Variants in ERP44 observed in about 807,000 individuals in gnomAD.
ERP44 encodes the protein endoplasmic reticulum protein 44.
A neutral mutation model predicts 53.4 loss-of-function variants in ERP44; 25 were observed. The ratio of observed to expected loss-of-function variants is 0.47; its 90% CI spans 0.34 to 0.65. The LOEUF is 0.65. Ranked by LOEUF, ERP44 falls within the 30% of genes least tolerant of loss-of-function variation. The pLI, the probability that ERP44 is intolerant of heterozygous loss-of-function variation, is 0.01. For missense variants in ERP44, 338 were observed against 493.2 expected (o/e 0.69, Z 2.98); for synonymous variants, 145 against 161.2 (o/e 0.90, Z 0.76).
chr9:100,032,883 G>A (rs146205152), intron 4 of ERP44, among the ~76,000 whole-genome samples: 138 of 152,288 alleles, frequency 9.1e-4, no homozygotes, highest in African/African-American at 2.6e-3. Context: ...TGAAATGTTC[G>A]TGACTATTAA....
intron 4 of ERP44, among the ~76,000 whole-genome samples, chr9:100,042,995 C>T (rs530873820): frequency 4.3e-4 from 66 of 151,966 alleles, no homozygotes; most frequent in Non-Finnish European, 7.5e-4. Flanking sequence ...CGCAGTGGCT[C>T]ATGCCTGTAA....
intron 1 of ERP44, among the ~76,000 whole-genome samples, chr9:100,066,831 A>G (rs1180472793): frequency 6.6e-6 from 1 of 152,198 alleles, no homozygotes; most frequent in Non-Finnish European, 1.5e-5. Context: ...TGGAGAAAAG[A>G]AGCTGAGGCT....
intron 1 of ERP44, among the ~76,000 whole-genome samples, chr9:100,078,558 C>A (rs1042343701): frequency 6.6e-6 from 1 of 151,668 alleles, no homozygotes; most frequent in African/African-American, 2.4e-5. Flanking sequence ...AGTTCAAGAC[C>A]AGCCTGGCCA....
intron 10 of ERP44, among the ~76,000 whole-genome samples, chr9:99,997,184 A>C (rs1830320506): frequency 6.6e-6 from 1 of 152,286 alleles, no homozygotes; most frequent in Middle Eastern, 3.4e-3. Context: ...TGCTGTATCA[A>C]ATGGTAGTTC....
At chr9:99,999,104 G>A (rs543620790) in intron 10 of ERP44, 2 of 653,606 alleles carry the variant, frequency 3.1e-6, no homozygotes, top group East Asian at 2.8e-5. Context: ...CAGCGGCGGG[G>A]CGTGGACACG....
chr9:100,098,449 G>T (rs1826682121), intron 1 of ERP44, among the ~76,000 whole-genome samples: 1 of 152,210 alleles, frequency 6.6e-6, no homozygotes, highest in Non-Finnish European at 1.5e-5. Context: ...CTAGGTCTAT[G>T]CTTGGTCTTT....
At position 99,989,025 on chromosome 9, in the gene ERP44, C is replaced by T. The variant is rs147895149; in HGVS notation, c.1017-3956G>A. ...CTGAGGCTTGACTAGGTAAACAAAG[C>T]GGCCAGGAATCTCGAACTGGGTGGA... On this transcript the variant is annotated intron_variant, in intron 10 of 11. Coordinates refer to ENST00000262455, the MANE Select transcript of ERP44 (RefSeq NM_015051.3). Among the ~76,000 whole-genome samples the T allele has an allele frequency of 9.7e-4, 147 of 152,314 alleles. 1 individual carries two copies. The Middle Eastern group carries it at 0.01, about 11-fold the overall frequency.
At chr9:100,006,680 C>T (rs747596483) in intron 9 of ERP44, 33 bp from the exon 10 acceptor site, 1 of 1,473,546 alleles carries the variant, frequency 6.8e-7, no homozygotes, top group African/African-American at 1.4e-5. Context: ...GAGGTAAATT[C>T]AAATTTTCTT....
intron 4 of ERP44, among the ~76,000 whole-genome samples, chr9:100,035,219 T>TA (rs1424411024): frequency 6.6e-6 from 1 of 152,028 alleles, no homozygotes; most frequent in East Asian, 1.9e-4. Context: ...CAAAAACTGG[T>TA]AAGTGGGACC....
At chr9:100,083,180 G>A (rs1826446171) in intron 1 of ERP44, among the ~76,000 whole-genome samples, 1 of 151,770 alleles carries the variant, frequency 6.6e-6, no homozygotes, top group East Asian at 1.9e-4. Flanking sequence ...TAAAAAAAAA[G>A]GTGAACAAAG....
At chr9:99,984,769 G>A (rs898999350) in intron 11 of ERP44, among the ~76,000 whole-genome samples, 198 bp downstream of exon 11, 4 of 152,082 alleles carry the variant, frequency 2.6e-5, no homozygotes, top group East Asian at 1.9e-4. Flanking sequence ...AAGAAACTAC[G>A]TTATAATATT....
chr9:99,998,386 C>A, intron 10 of ERP44: 1 of 620,406 alleles, frequency 1.6e-6, no homozygotes, highest in East Asian at 2.8e-5. Flanking sequence ...CGCGAGCTCC[C>A]GGATCATACA....
intron 4 of ERP44, among the ~76,000 whole-genome samples, chr9:100,047,520 A>G (rs1162652192): frequency 6.6e-6 from 1 of 152,206 alleles, no homozygotes; most frequent in African/African-American, 2.4e-5. Flanking sequence ...ATGCAAAATA[A>G]TAAAGTTGGG....
At chr9:100,002,273 C>A (rs1830385832) in intron 10 of ERP44, among the ~76,000 whole-genome samples, 1 of 152,076 alleles carries the variant, frequency 6.6e-6, no homozygotes, top group Non-Finnish European at 1.5e-5. Flanking sequence ...ATCCTTCATA[C>A]CAAAGCTATA....
chr9:100,006,413 A>T, intron 10 of ERP44, 93 bp downstream of exon 10: 1 of 961,718 alleles, frequency 1.0e-6, no homozygotes, highest in South Asian at 1.6e-5. Context: ...TTACTGTTCC[A>T]ACATAGGATT....
At chr9:100,068,366 G>A (rs1373221376) in intron 1 of ERP44, among the ~76,000 whole-genome samples, 17 of 133,138 alleles carry the variant, frequency 1.3e-4, no homozygotes, top group Admixed American at 2.2e-4. Flanking sequence ...CAGCCGCCCC[G>A]TCCGGGAGGG....
intron 10 of ERP44, among the ~76,000 whole-genome samples, chr9:100,002,094 T>C (rs564131753): frequency 1.3e-5 from 2 of 150,558 alleles, no homozygotes; most frequent in Admixed American, 6.6e-5. Context: ...CCTATGCTCA[T>C]AACAGGCTAT....
rs570989025 is a variant in ERP44, at chr9:99,993,017, C to T, written c.1017-7948G>A. Among the ~76,000 whole-genome samples the T allele has an allele frequency of 9.2e-4, 140 of 152,188 alleles. 3 individuals carry two copies. The East Asian group carries it at 0.02, about 22-fold the overall frequency. On this transcript the variant is annotated intron_variant, in intron 10 of 11. Transcript: ENST00000262455. ...CACTGCTCAACGAATTAAAAGAGGA[C>T]GCAAACAAATGGAAGAACATTCCAT... is the stretch of plus-strand genomic sequence containing the variant.
At chr9:100,071,093 G>GTTTTTTTT (rs34853838) in intron 1 of ERP44, among the ~76,000 whole-genome samples, 2 of 119,584 alleles carry the variant, frequency 1.7e-5, no homozygotes, top group South Asian at 2.8e-4. Context: ...ATTATATAAG[G>GTTTTTTTT]TTTTTTTTTT....
Sources: allele counts gnomAD v4.1 joint callset (sites outside exome capture counted in the v4.1 genomes callset), GRCh38; gene constraint gnomAD v4.1.1; transcripts MANE v1.5; gene names NCBI Gene and HGNC (gene_info 2026-07-23, HGNC 2026-07-21).